Variants in AQP9 observed in about 807,000 individuals in gnomAD.
AQP9 encodes the protein aquaporin-9.
Under a neutral mutation model 23.8 loss-of-function variants are expected in AQP9, and 19 were observed. The observed-to-expected ratio is 0.80, with a 90% CI of 0.56 to 1.17. The LOEUF (loss-of-function observed/expected upper bound fraction) is 1.17, where lower values mean the gene tolerates loss of function less well. AQP9 is among the 50% of genes most tolerant of loss of function. The probability of loss-of-function intolerance (pLI) is 0.00; values close to 1 mark genes in which losing one functional copy is unlikely to be tolerated. For missense variants in AQP9, 413 were observed against 362.0 expected (o/e 1.14, Z -1.14); for synonymous variants, 153 against 131.5 (o/e 1.16, Z -1.12).
chr15:58,163,438 A>AG (rs5812924), intron 1 of AQP9, among the ~76,000 whole-genome samples: 108,251 of 151,894 alleles, frequency 0.71, 38,588 homozygotes, highest in Admixed American at 0.78. Flanking sequence ...ATGATACATT[A>AG]AACATCCACA....
chr15:58,176,289 G>A (rs1898752148), intron 4 of AQP9, among the ~76,000 whole-genome samples: 1 of 152,120 alleles, frequency 6.6e-6, no homozygotes, highest in Non-Finnish European at 1.5e-5. Flanking sequence ...AGGCCAAGGT[G>A]GACAGGTCAC....
intron 1 of AQP9, chr15:58,151,634 A>G (rs1169275294): frequency 6.6e-6 from 1 of 152,112 alleles, no homozygotes; most frequent in African/African-American, 2.4e-5. Flanking sequence ...ACTTACCCAT[A>G]CTCAAAATAC....
At chr15:58,178,125 T>A (rs1711058) in intron 4 of AQP9, among the ~76,000 whole-genome samples, 73,620 of 151,970 alleles carry the variant, frequency 0.48, 18,502 homozygotes, top group Admixed American at 0.61. Context: ...ATACAAATAA[T>A]ACACAATTTT....
intron 1 of AQP9, among the ~76,000 whole-genome samples, chr15:58,157,175 A>C (rs1450491340): frequency 6.6e-6 from 1 of 152,154 alleles, no homozygotes; most frequent in Non-Finnish European, 1.5e-5. Flanking sequence ...TTTGATTAAT[A>C]ATTTAAATGT....
intron 4 of AQP9, among the ~76,000 whole-genome samples, chr15:58,175,355 G>A (rs1414600492): frequency 2.0e-5 from 3 of 152,246 alleles, no homozygotes; most frequent in Non-Finnish European, 4.4e-5. Context: ...TTTTGAACAA[G>A]TGGTCTAAGT....
chr15:58,138,227 C>A (rs1375497014), upstream of AQP9: 2 of 167,716 alleles, frequency 1.2e-5, no homozygotes, highest in African/African-American at 4.8e-5. Flanking sequence ...TGGCACATCT[C>A]TTTTCTCATC....
rs753424515 is a variant in AQP9 at position 58,179,134 on chromosome 15, G to T, written c.502G>T (p.Ala168Ser). The T allele has an allele frequency of 1.1e-5, 17 of 1,610,174 alleles. No homozygotes were observed. The highest frequency in any genetic ancestry group is 1.4e-5 in the Non-Finnish European group (17 of 1,176,360). ...TCAACTTCTCCCTCTCCAGGTGGTG[G>T]CCACCATGATACTCCTCATAATCGT... ...LANAFADQVV[A>S]TMILLIIVFA... Residue 168 changes from alanine to serine, a missense_variant, in exon 5 of 6, where the codon GCC becomes TCC. Ala to Ser is a moderately conservative substitution (Grantham distance 99). Transcript: ENST00000219919.
chr15:58,171,527 T>TA (rs1898621373), intron 2 of AQP9, among the ~76,000 whole-genome samples: 1 of 152,144 alleles, frequency 6.6e-6, no homozygotes, highest in Non-Finnish European at 1.5e-5. Context: ...TAGCCTTCCC[T>TA]GGTAAGGTGT....
intron 1 of AQP9, chr15:58,147,030 C>G (rs1252788063): frequency 6.6e-6 from 1 of 152,182 alleles, no homozygotes; most frequent in Non-Finnish European, 1.5e-5. Flanking sequence ...CCAGGCTCAC[C>G]TGGGAAATCT....
intron 5 of AQP9, among the ~76,000 whole-genome samples, chr15:58,183,746 T>G (rs1478457258): frequency 6.6e-6 from 1 of 152,146 alleles, no homozygotes; most frequent in Non-Finnish European, 1.5e-5. Flanking sequence ...TCACAAATAT[T>G]AGTAGGACAA....
At chr15:58,180,565 C>T (rs1435324239) in intron 5 of AQP9, among the ~76,000 whole-genome samples, 5 of 152,144 alleles carry the variant, frequency 3.3e-5, no homozygotes, top group Non-Finnish European at 7.4e-5. Flanking sequence ...TTCTATGTGA[C>T]GGACACTTCC....
In AQP9 at chr15:58,175,051, A is replaced by G. The variant is rs1383225880; in HGVS notation, c.495+15A>G. On this transcript the variant is annotated intron_variant, in intron 4 of 5. Transcript: ENST00000219919. ...TTGCAGATCAAGTAAGTGTAGATTCAACAAAGACTTAACTTTGGTGAAAAG... is the reference window on the plus strand; with the variant it reads ...TTGCAGATCAAGTAAGTGTAGATTCGACAAAGACTTAACTTTGGTGAAAAG... 6.3e-7 allele frequency: 1 copy of G among 1,590,162 alleles called. No homozygotes were observed. The highest frequency in any genetic ancestry group is 2.2e-5 in the East Asian group (1 of 44,742).
At chr15:58,183,607 A>C (rs904342141) in intron 5 of AQP9, among the ~76,000 whole-genome samples, 1 of 152,152 alleles carries the variant, frequency 6.6e-6, no homozygotes, top group Non-Finnish European at 1.5e-5. Context: ...AATCCACAGG[A>C]ATCATTATTT....
intron 2 of AQP9, among the ~76,000 whole-genome samples, chr15:58,167,278 C>T (rs1898530196): frequency 6.6e-6 from 1 of 152,178 alleles, no homozygotes; most frequent in South Asian, 2.1e-4. Flanking sequence ...TCTAATCCTG[C>T]TCTGAAAAGT....
chr15:58,139,897 C>G (rs1384912384), intron 1 of AQP9, among the ~76,000 whole-genome samples: 2 of 152,022 alleles, frequency 1.3e-5, no homozygotes, highest in Admixed American at 6.6e-5. Flanking sequence ...CATAATGTAG[C>G]AAGACATTAT....
At position 58,184,567 on chromosome 15, in the gene AQP9, A is replaced by T. The variant is rs1898974242; in HGVS notation, c.*432A>T. 1 of 155,466 alleles carries T rather than the reference A, an allele frequency of 6.4e-6. No individual in the cohort carries two copies. Among genetic ancestry groups the T allele is most frequent in the African/African-American group, 2.4e-5 (1 of 41,522 alleles). The allele number at this position is 155,466 out of a possible 1,614,324, so 9.6% of individuals were successfully genotyped here. ...TACCAACCAAACCCTAAATTGAAAG[A>T]CAAAACTATGGTTTCAGTCAACATA... On this transcript the variant is annotated 3_prime_UTR_variant, in exon 6 of 6. Transcript: ENST00000219919.
chr15:58,138,265 G>A, upstream of AQP9: 1 of 187,834 alleles, frequency 5.3e-6, no homozygotes. Flanking sequence ...AGAGAAAAAA[G>A]TACCTTGAGA....
intron 1 of AQP9, among the ~76,000 whole-genome samples, chr15:58,159,019 C>T (rs1192978099): frequency 1.3e-5 from 2 of 152,140 alleles, no homozygotes; most frequent in East Asian, 3.9e-4. Flanking sequence ...TTGTTTTACA[C>T]TTTAAAGGAC....
chr15:58,147,870 C>T (rs1290601807), intron 1 of AQP9, among the ~76,000 whole-genome samples: 1 of 150,714 alleles, frequency 6.6e-6, no homozygotes, highest in Non-Finnish European at 1.5e-5. Context: ...TGTTAAATAC[C>T]CTCACCTGTA....
Sources: allele counts gnomAD v4.1 joint callset (sites outside exome capture counted in the v4.1 genomes callset), GRCh38; gene constraint gnomAD v4.1.1; transcripts MANE v1.5; gene names NCBI Gene and HGNC (gene_info 2026-07-23, HGNC 2026-07-21).